The following CDC73 variants were observed in gnomAD, a reference collection of about 807,000 sequenced individuals.
The protein encoded by CDC73 is parafibromin.
In CDC73, 21 loss-of-function variants were observed where a neutral mutation model predicts 83.7. That is an observed-to-expected ratio of 0.25 (90% CI 0.18 to 0.36). CDC73 has a LOEUF of 0.36. Among genes scored for constraint, CDC73 ranks in the 10% least tolerant of loss-of-function variants. The pLI is 1.00. For missense variants in CDC73, 342 were observed against 653.3 expected (o/e 0.52, Z 5.19); for synonymous variants, 224 against 212.9 (o/e 1.05, Z -0.45).
rs998859649 is a variant in CDC73 at position 193,253,212 on chromosome 1, T to A, written c.*2500T>A. 1 of 232,460 alleles carries A rather than the reference T, an allele frequency of 4.3e-6. No homozygotes were observed. Among genetic ancestry groups the A allele is most frequent in the Non-Finnish European group, 8.5e-6 (1 of 117,588 alleles). The allele number at this position is 232,460 out of a possible 1,614,324, so 14.4% of individuals were successfully genotyped here. A position where few individuals can be genotyped will look rare whatever the true frequency, so the allele number is the denominator to read the frequency against. On this transcript the variant is annotated 3_prime_UTR_variant, in exon 17 of 17. Coordinates refer to ENST00000367435, the MANE Select transcript of CDC73 (RefSeq NM_024529.5). The stretch of plus-strand genomic sequence containing the variant: ...TTTGGAGAGTTTTTAAAAATATCCA[T>A]GCCTGAATCTTGATTCCCATTTTCA...
intron 6 of CDC73, among the ~76,000 whole-genome samples, chr1:193,140,257 T>C (rs1167200708): frequency 6.6e-6 from 1 of 152,212 alleles, no homozygotes; most frequent in Non-Finnish European, 1.5e-5. Flanking sequence ...ACCATTGTTT[T>C]ATGTATTTTG....
At chr1:193,146,781 A>G (rs1197781096) in intron 7 of CDC73, among the ~76,000 whole-genome samples, 1 of 152,172 alleles carries the variant, frequency 6.6e-6, no homozygotes, top group Non-Finnish European at 1.5e-5. Context: ...TTGACTTTTG[A>G]TCAGCATGTA....
At chr1:193,212,209 C>A in intron 12 of CDC73, 109 bp downstream of exon 12, 1 of 980,416 alleles carries the variant, frequency 1.0e-6, no homozygotes, top group South Asian at 1.5e-5. Context: ...GCTTGGTATC[C>A]ATTCTGATTT....
Position 193,176,546 on chromosome 1 carries a change from G to T in CDC73, c.972+24102G>T, listed in dbSNP as rs1218948106. On this transcript the variant is annotated intron_variant, in intron 10 of 16. Transcript: ENST00000367435. ...TTTATTACTGTAAAATTTGGTGGTA[G>T]TGGGTTTTCTATCCCATTTTAGTAT... 3.3e-5 allele frequency among the ~76,000 whole-genome samples: 5 copies of T among 152,318 alleles called. No homozygotes were observed. In the East Asian group the frequency reaches 9.6e-4, roughly 29 times the overall value.
chr1:193,138,024 G>GT (rs1480152123), intron 5 of CDC73, 61 bp from the exon 6 acceptor site: 67 of 1,250,280 alleles, frequency 5.4e-5, no homozygotes, highest in South Asian at 6.0e-5. Flanking sequence ...TACATGTAGC[G>GT]TTTTTTCTTC....
In CDC73 at chr1:193,190,477, C is replaced by G. The variant is rs148690001; in HGVS notation, c.973-13318C>G. On this transcript the variant is annotated intron_variant, in intron 10 of 16. Coordinates refer to ENST00000367435, the MANE Select transcript of CDC73 (RefSeq NM_024529.5). ...TAAAGTCAGTGGATGATTTATGAAC[C>G]AGCTTTACTTTCCTTGAACTCACAA... 3.3e-5 allele frequency among the ~76,000 whole-genome samples: 5 copies of G among 152,240 alleles called. No homozygotes were observed. The East Asian group carries it at 9.7e-4, about 29-fold the overall frequency.
chr1:193,183,748 CT>C (rs1676759047), intron 10 of CDC73, among the ~76,000 whole-genome samples: 1 of 151,618 alleles, frequency 6.6e-6, no homozygotes, highest in South Asian at 2.1e-4. Flanking sequence ...ACAAAAGTTG[CT>C]TTTAAAATTT....
At chr1:193,187,553 A>T (rs1368099334) in intron 10 of CDC73, among the ~76,000 whole-genome samples, 1 of 152,086 alleles carries the variant, frequency 6.6e-6, no homozygotes. Context: ...TGTTGTAGTA[A>T]AAAGCCTTTA....
rs1410446204 is a variant in CDC73, at chr1:193,251,793, G to A, written c.*1081G>A. The stretch of plus-strand genomic sequence containing the variant: ...ATTTCTCTACTTCAGACAAAATGTT[G>A]CATCCAAGGTACATCAAGTGACCAT... On this transcript the variant is annotated 3_prime_UTR_variant, in exon 17 of 17. Transcript: ENST00000367435. The A allele has an allele frequency of 8.7e-6, 2 of 230,186 alleles. No homozygotes were observed. Among genetic ancestry groups the A allele is most frequent in the Admixed American group, 5.7e-5 (1 of 17,510 alleles). The allele number at this position is 230,186 out of a possible 1,614,324, so 14.3% of individuals were successfully genotyped here.
chr1:193,141,727 A>G (rs1003190895), intron 6 of CDC73, 123 bp from the exon 7 acceptor site: 9 of 694,530 alleles, frequency 1.3e-5, no homozygotes, highest in Admixed American at 2.3e-5. Context: ...TCTTACAGAT[A>G]AGAAAACCTT....
At chr1:193,145,490 A>T (rs1249315421) in intron 7 of CDC73, among the ~76,000 whole-genome samples, 42 of 152,210 alleles carry the variant, frequency 2.8e-4, no homozygotes, top group Admixed American at 2.7e-3. Flanking sequence ...GAAATTTGCA[A>T]AAATTTAAAA....
At chr1:193,160,900 T>G (rs1035083670) in intron 10 of CDC73, among the ~76,000 whole-genome samples, 5 of 152,094 alleles carry the variant, frequency 3.3e-5, no homozygotes, top group Non-Finnish European at 7.4e-5. Flanking sequence ...GGCTGAACAT[T>G]AGTTTGTTGG....
intron 5 of CDC73, chr1:193,136,411 T>C: frequency 4.6e-6 from 1 of 215,142 alleles, no homozygotes; most frequent in South Asian, 5.0e-5. Context: ...ATCTGATATT[T>C]TTAAGAGATA....
Position 193,183,428 on chromosome 1 carries a change from A to G in CDC73, c.973-20367A>G, listed in dbSNP as rs550114751. Reference sequence around the variant, plus strand: ...TTAAAAGCAAATCATCTAGTATGCTATTTGTTAGAATTTGTTTATATGAAT... The same window carrying G: ...TTAAAAGCAAATCATCTAGTATGCTGTTTGTTAGAATTTGTTTATATGAAT... On this transcript the variant is annotated intron_variant, in intron 10 of 16. Transcript: ENST00000367435. Among the ~76,000 whole-genome samples, 10 of 147,758 alleles carry G rather than the reference A, an allele frequency of 6.8e-5. No individual in the cohort carries two copies. The South Asian group carries it at 1.8e-3, about 26-fold the overall frequency.
At chr1:193,129,559 T>C (rs1675655000) in intron 2 of CDC73, among the ~76,000 whole-genome samples, 1 of 151,060 alleles carries the variant, frequency 6.6e-6, no homozygotes, top group African/African-American at 2.4e-5. Context: ...CAGGCCGGAG[T>C]GCAGTGGTGC....
chr1:193,207,530 C>T (rs921242445), intron 11 of CDC73, among the ~76,000 whole-genome samples: 1 of 152,110 alleles, frequency 6.6e-6, no homozygotes, highest in African/African-American at 2.4e-5. Flanking sequence ...GACCTCCCCC[C>T]AGAAATGCAT....
chr1:193,137,099 G>C (rs1352339456), intron 5 of CDC73, among the ~76,000 whole-genome samples: 2 of 152,150 alleles, frequency 1.3e-5, no homozygotes, highest in African/African-American at 2.4e-5. Flanking sequence ...ACTGTGCTAG[G>C]AAAGAGAAAC....
chr1:193,234,406 T>C (rs1474221122), intron 14 of CDC73, among the ~76,000 whole-genome samples: 1 of 148,368 alleles, frequency 6.7e-6, no homozygotes, highest in Non-Finnish European at 1.5e-5. Flanking sequence ...TTGAGTAATA[T>C]AGAAAATGAG....
chr1:193,128,839 A>G (rs1396080477), intron 2 of CDC73, among the ~76,000 whole-genome samples: 1 of 152,144 alleles, frequency 6.6e-6, no homozygotes, highest in Non-Finnish European at 1.5e-5. Flanking sequence ...TCTTGTTGTT[A>G]CTTCATTGTT....
Sources: gnomAD v4.1 joint callset for allele counts (sites outside exome capture counted in the v4.1 genomes callset) on GRCh38, gnomAD v4.1.1 for gene constraint, MANE v1.5 for transcripts, NCBI Gene and HGNC (gene_info 2026-07-23, HGNC 2026-07-21) for gene names.